The following CTNND2 variants were observed in gnomAD, a reference collection of about 807,000 sequenced individuals.
CTNND2 encodes the protein catenin delta 2.
In CTNND2, 22 loss-of-function variants were observed where a neutral mutation model predicts 144.4. That is an observed-to-expected ratio of 0.15 (90% CI 0.11 to 0.22). CTNND2 has a LOEUF of 0.22. CTNND2 is among the 10% of genes least tolerant of loss of function. The pLI, the probability that CTNND2 is intolerant of heterozygous loss-of-function variation, is 1.00. For synonymous variants in CTNND2, 751 were observed against 695.6 expected (o/e 1.08, Z -1.25); for missense variants, 1,353 against 1,618.8 (o/e 0.84, Z 2.82).
chr5:11,599,023 A>G (rs1339835425), intron 2 of CTNND2, among the ~76,000 whole-genome samples: 2 of 152,160 alleles, frequency 1.3e-5, no homozygotes, highest in Non-Finnish European at 2.9e-5. Context: ...GCAAGCAGGG[A>G]ACTGCCACAC....
Position 11,903,844 on chromosome 5 carries a change from T to C in CTNND2, c.10A>G (p.Arg4Gly). Residue 4 changes from arginine to glycine, a missense_variant, in exon 1 of 22, where the codon AGG (arginine) becomes GGG (glycine). Arg to Gly is a moderately radical substitution (Grantham distance 125). Transcript: ENST00000304623. This position sits in a 1 kb window ranked among gnomAD's most constrained non-coding sequence, Gnocchi z 5.4. Reference protein sequence around the residue: MFARKPPGAAPLGA... With the variant: MFAGKPPGAAPLGA... ...AAAGGCGCGGCGCCCGGCGGCTTCCTCGCAAACATGCACCCTCCGCCGGCG... is the reference window on the plus strand; with the variant it reads ...AAAGGCGCGGCGCCCGGCGGCTTCCCCGCAAACATGCACCCTCCGCCGGCG... 1 of 1,482,314 alleles carries C rather than the reference T, an allele frequency of 6.7e-7. No homozygotes were observed. The highest frequency in any genetic ancestry group is 1.3e-5 in the South Asian group (1 of 79,132). 91.8% of individuals were successfully genotyped at this position (1,482,314 alleles called of 1,614,324 possible).
rs1363333051 is a variant in CTNND2, at chr5:11,887,044, C to A, written c.37+16773G>T. Among the ~76,000 whole-genome samples the A allele has an allele frequency of 2.4e-5, 3 of 125,766 alleles. No homozygotes were observed. The South Asian group carries it at 7.9e-4, about 33-fold the overall frequency. 82.5% of individuals were successfully genotyped at this position (125,766 alleles called of 152,430 possible). On this transcript the variant is annotated intron_variant, in intron 1 of 21. Transcript: ENST00000304623. Reference sequence around the variant, plus strand: ...TGTCACCCAGGCTGGAGTGCGGTGGCGCGATCTCGGCTCACTGCAAGCTCT... The same window carrying A: ...TGTCACCCAGGCTGGAGTGCGGTGGAGCGATCTCGGCTCACTGCAAGCTCT...
chr5:11,313,152 T>C (rs1403306969), intron 9 of CTNND2, among the ~76,000 whole-genome samples: 1 of 152,198 alleles, frequency 6.6e-6, no homozygotes, highest in Non-Finnish European at 1.5e-5. Context: ...GACATTCCAG[T>C]TAGAGTTGAC....
intron 2 of CTNND2, among the ~76,000 whole-genome samples, chr5:11,638,833 C>A (rs1390819647): frequency 6.6e-6 from 1 of 152,142 alleles, no homozygotes; most frequent in Non-Finnish European, 1.5e-5. Context: ...CTCAGCCCCG[C>A]AAAGTGCTAG....
chr5:11,580,121 AT>A (rs58848834), intron 2 of CTNND2, among the ~76,000 whole-genome samples: 30,771 of 148,032 alleles, frequency 0.21, 3,417 homozygotes, highest in African/African-American at 0.32. Context: ...AACTTAGGCC[AT>A]TTTTTTTTTT....
intron 15 of CTNND2, among the ~76,000 whole-genome samples, chr5:11,097,484 T>C (rs1246984785): frequency 6.6e-6 from 1 of 152,112 alleles, no homozygotes; most frequent in Non-Finnish European, 1.5e-5. Flanking sequence ...GCTAGCTCTG[T>C]AGGAAGAATT....
chr5:11,431,834 G>T (rs1763315074), intron 3 of CTNND2, among the ~76,000 whole-genome samples: 1 of 152,090 alleles, frequency 6.6e-6, no homozygotes, highest in Admixed American at 6.5e-5. Context: ...TGTTAAAGCG[G>T]CTAAGGTTTG....
rs376665965 is a variant in CTNND2, at chr5:11,129,176, T to TAAATATATATTATATATAATATATA, written c.2160-11610_2160-11609insTATATATTATATATAATATATATTT. On this transcript the variant is annotated intron_variant, in intron 12 of 21. Transcript: ENST00000304623. ...ATATACATATATTATATATTATATA[T>TAAATATATATTATATATAATATATA]TTTATATATAATATATAATATATAT... 1.2e-4 allele frequency among the ~76,000 whole-genome samples: 3 copies of TAAATATATATTATATATAATATATA among 24,618 alleles called. 1 individual carries two copies. Among genetic ancestry groups the TAAATATATATTATATATAATATATA allele is most frequent in the Non-Finnish European group, 2.6e-4 (3 of 11,744 alleles). The allele number at this position is 24,618 out of a possible 152,430, so 16.2% of individuals were successfully genotyped here.
intron 1 of CTNND2, among the ~76,000 whole-genome samples, chr5:11,800,721 C>A (rs1399064684): frequency 6.6e-6 from 1 of 152,134 alleles, no homozygotes; most frequent in East Asian, 1.9e-4. Flanking sequence ...AGAACAGTTT[C>A]TTTTAGTAGA....
intron 2 of CTNND2, among the ~76,000 whole-genome samples, chr5:11,717,676 G>A (rs1472616769): frequency 1.3e-5 from 2 of 152,102 alleles, no homozygotes; most frequent in Non-Finnish European, 2.9e-5. Flanking sequence ...TCACAATCAT[G>A]GCAGAAGGCA....
intron 3 of CTNND2, among the ~76,000 whole-genome samples, chr5:11,552,139 G>A (rs1775817559): frequency 1.3e-5 from 2 of 152,136 alleles, no homozygotes; most frequent in South Asian, 4.1e-4. Flanking sequence ...GAAGCACAAG[G>A]ATCACTTTAA....
chr5:10,978,110 G>A (rs532149320), intron 21 of CTNND2, among the ~76,000 whole-genome samples: 104 of 152,312 alleles, frequency 6.8e-4, no homozygotes, highest in Non-Finnish European at 8.5e-4. Context: ...CAGAGGACAA[G>A]CTTCGATGCT....
intron 11 of CTNND2, among the ~76,000 whole-genome samples, chr5:11,189,370 C>T (rs140928870): frequency 1.7e-4 from 26 of 152,232 alleles, no homozygotes; most frequent in Non-Finnish European, 2.5e-4. Flanking sequence ...GTTTGAACTG[C>T]GCAGGTACAC....
At chr5:11,447,089 C>T (rs2149904668) in intron 3 of CTNND2, among the ~76,000 whole-genome samples, 1 of 152,206 alleles carries the variant, frequency 6.6e-6, no homozygotes, top group South Asian at 2.1e-4. Context: ...TTCTATAAGA[C>T]ACCTTATCTG....
chr5:11,393,374 T>C (rs1003310183), intron 6 of CTNND2, among the ~76,000 whole-genome samples: 1 of 152,244 alleles, frequency 6.6e-6, no homozygotes, highest in Non-Finnish European at 1.5e-5. Flanking sequence ...TTTAGGCTTG[T>C]GTACTCCTTT....
chr5:11,620,300 A>C (rs1047277272), intron 2 of CTNND2, among the ~76,000 whole-genome samples: 2 of 152,136 alleles, frequency 1.3e-5, no homozygotes, highest in African/African-American at 4.8e-5. Flanking sequence ...TATGCAAGGT[A>C]ACCAATCCAG....
intron 11 of CTNND2, among the ~76,000 whole-genome samples, chr5:11,173,327 G>A (rs981998770): frequency 4.6e-5 from 7 of 152,172 alleles, no homozygotes; most frequent in African/African-American, 9.7e-5. Flanking sequence ...CTCTCTTCAC[G>A]GCTCCCAATT....
intron 1 of CTNND2, among the ~76,000 whole-genome samples, chr5:11,824,026 C>A (rs150173797): frequency 2.2e-5 from 3 of 136,104 alleles, no homozygotes; most frequent in African/African-American, 8.6e-5. Flanking sequence ...TCGCTTGAAC[C>A]GGGGAGGTGG....
At chr5:11,567,894 T>C (rs934980193) in intron 2 of CTNND2, among the ~76,000 whole-genome samples, 1 of 152,238 alleles carries the variant, frequency 6.6e-6, no homozygotes, top group Non-Finnish European at 1.5e-5. Flanking sequence ...TCTTGGGTTC[T>C]GGATAGGTTT....
Sources: gnomAD v4.1 joint callset for allele counts (sites outside exome capture counted in the v4.1 genomes callset) on GRCh38, gnomAD v4.1.1 for gene constraint, Gnocchi (gnomAD v3.1) non-coding constraint, MANE v1.5 for transcripts, NCBI Gene and HGNC (gene_info 2026-07-23, HGNC 2026-07-21) for gene names.